The following LRRTM4 variants were observed in gnomAD, a reference collection of about 807,000 sequenced individuals.
The protein encoded by LRRTM4 is leucine-rich repeat transmembrane neuronal protein 4.
A neutral mutation model predicts 47.6 loss-of-function variants in LRRTM4; 25 were observed. That is an observed-to-expected ratio of 0.53 (90% confidence interval 0.38 to 0.73). The LOEUF is 0.73. Among genes scored for constraint, LRRTM4 ranks in the 30% least tolerant of loss-of-function variants. The pLI is 0.00. For missense variants in LRRTM4, 638 were observed against 713.4 expected (o/e 0.89, Z 1.20); for synonymous variants, 311 against 269.5 (o/e 1.15, Z -1.51).
At chr2:76,846,901 G>A (rs1002452313) in intron 3 of LRRTM4, among the ~76,000 whole-genome samples, 1 of 128,916 alleles carries the variant, frequency 7.8e-6, no homozygotes. Context: ...AAGTAAAAAG[G>A]TCATATGATA....
intron 3 of LRRTM4, among the ~76,000 whole-genome samples, chr2:77,208,642 T>C (rs779705188): frequency 9.2e-5 from 14 of 152,070 alleles, no homozygotes; most frequent in Non-Finnish European, 1.3e-4. Flanking sequence ...TGAGGTTTTC[T>C]GAGGATGGAG....
intron 3 of LRRTM4, among the ~76,000 whole-genome samples, chr2:77,269,773 A>G (rs992317866): frequency 1.6e-4 from 24 of 152,204 alleles, no homozygotes; most frequent in African/African-American, 5.5e-4. Flanking sequence ...TATGTTTTAT[A>G]TAAGAATATT....
chr2:77,233,443 A>G (rs1447486627), intron 3 of LRRTM4, among the ~76,000 whole-genome samples: 1 of 152,150 alleles, frequency 6.6e-6, no homozygotes, highest in East Asian at 1.9e-4. Flanking sequence ...TAATTTTTTA[A>G]TAGTGTAAAT....
intron 3 of LRRTM4, among the ~76,000 whole-genome samples, chr2:76,932,786 G>A (rs1225303412): frequency 6.6e-6 from 1 of 150,680 alleles, no homozygotes; most frequent in Admixed American, 6.7e-5. Context: ...CAAAAGAGAG[G>A]AAAATACTTA....
At chr2:76,947,176 C>T (rs976678203) in intron 3 of LRRTM4, among the ~76,000 whole-genome samples, 1 of 151,762 alleles carries the variant, frequency 6.6e-6, no homozygotes, top group Non-Finnish European at 1.5e-5. Context: ...GAGTAATAAG[C>T]TGATAATAAT....
At chr2:77,077,137 C>G (rs1680363648) in intron 3 of LRRTM4, among the ~76,000 whole-genome samples, 1 of 152,084 alleles carries the variant, frequency 6.6e-6, no homozygotes, top group Non-Finnish European at 1.5e-5. Flanking sequence ...ATGCAAAATT[C>G]TATAGAGGTA....
chr2:77,310,999 TATAG>T (rs1367149941), intron 3 of LRRTM4, among the ~76,000 whole-genome samples: 2 of 151,972 alleles, frequency 1.3e-5, no homozygotes, highest in African/African-American at 4.8e-5. Context: ...CACATATATA[TATAG>T]AGAGAGAATA....
At chr2:77,330,748 G>T (rs1324278064) in intron 3 of LRRTM4, among the ~76,000 whole-genome samples, 1 of 151,810 alleles carries the variant, frequency 6.6e-6, no homozygotes, top group Non-Finnish European at 1.5e-5. Flanking sequence ...CATCTTTTTT[G>T]TTGACAAAAG....
At chr2:76,845,302 C>A (rs905994868) in intron 3 of LRRTM4, among the ~76,000 whole-genome samples, 1 of 152,048 alleles carries the variant, frequency 6.6e-6, no homozygotes, top group African/African-American at 2.4e-5. Context: ...ACTAGCCTGG[C>A]CAACATGGTG....
At chr2:76,800,128 A>G (rs962901897) in intron 3 of LRRTM4, among the ~76,000 whole-genome samples, 28 of 149,394 alleles carry the variant, frequency 1.9e-4, no homozygotes, top group Non-Finnish European at 3.3e-4. Flanking sequence ...GAACCAAAAA[A>G]GAGCCCGCAT....
At chr2:76,867,115 C>A (rs1281591604) in intron 3 of LRRTM4, among the ~76,000 whole-genome samples, 2 of 152,026 alleles carry the variant, frequency 1.3e-5, no homozygotes, top group Non-Finnish European at 2.9e-5. Flanking sequence ...ATACCTAATG[C>A]ATGTGGGGGT....
At chr2:77,219,479 C>G (rs968278704) in intron 3 of LRRTM4, among the ~76,000 whole-genome samples, 1 of 152,104 alleles carries the variant, frequency 6.6e-6, no homozygotes, top group East Asian at 1.9e-4. Context: ...AACAGAAACA[C>G]GATTTAACAG....
chr2:76,790,527 CT>C (rs1370244237), intron 3 of LRRTM4, among the ~76,000 whole-genome samples: 1 of 152,108 alleles, frequency 6.6e-6, no homozygotes, highest in Non-Finnish European at 1.5e-5. Context: ...TCAGAAAGTA[CT>C]TTGGGGTTTA....
chr2:77,039,520 G>T (rs967772080), intron 3 of LRRTM4, among the ~76,000 whole-genome samples: 2 of 151,168 alleles, frequency 1.3e-5, no homozygotes, highest in African/African-American at 4.8e-5. Flanking sequence ...CTAGCAGTAA[G>T]AAGCAATTTT....
intron 3 of LRRTM4, among the ~76,000 whole-genome samples, chr2:77,054,111 A>G (rs181423718): frequency 6.6e-6 from 1 of 151,676 alleles, no homozygotes; most frequent in East Asian, 1.9e-4. Context: ...CGTCCAAAAC[A>G]TGGGGAAACC....
chr2:76,761,138 C>G (rs1011379401), intron 3 of LRRTM4, among the ~76,000 whole-genome samples: 1 of 152,152 alleles, frequency 6.6e-6, no homozygotes, highest in Non-Finnish European at 1.5e-5. Context: ...AGATGTAGGC[C>G]CAGCAGGGCG....
intron 3 of LRRTM4, among the ~76,000 whole-genome samples, chr2:76,873,917 T>C (rs1335871444): frequency 1.3e-5 from 2 of 151,966 alleles, no homozygotes; most frequent in Non-Finnish European, 2.9e-5. Context: ...TTTGAATCCC[T>C]TGAAATTTTA....
chr2:77,186,223 A>C lies in LRRTM4; in HGVS notation c.1551+332095T>G, dbSNP rs575036632. ...CTGTGCCCCTGAGATGTCCACATCCAATCTTTCTGCTCTTTGATGCCATTT... is the reference window on the plus strand; with the variant it reads ...CTGTGCCCCTGAGATGTCCACATCCCATCTTTCTGCTCTTTGATGCCATTT... On this transcript the variant is annotated intron_variant, in intron 3 of 3. Coordinates refer to ENST00000409884, the MANE Select transcript of LRRTM4 (RefSeq NM_001134745.3). Among the ~76,000 whole-genome samples the C allele has an allele frequency of 8.6e-4, 131 of 152,310 alleles. 2 individuals are homozygous for C. The highest frequency in any genetic ancestry group is 3.1e-3 in the African/African-American group (128 of 41,576).
chr2:76,837,545 C>T (rs1320342594), intron 3 of LRRTM4, among the ~76,000 whole-genome samples: 2 of 152,056 alleles, frequency 1.3e-5, no homozygotes, highest in Non-Finnish European at 2.9e-5. Context: ...CTATACACTG[C>T]TTTGAATGTG....
Sources: allele counts gnomAD v4.1 joint callset (sites outside exome capture counted in the v4.1 genomes callset), GRCh38; gene constraint gnomAD v4.1.1; transcripts MANE v1.5; gene names NCBI Gene and HGNC (gene_info 2026-07-23, HGNC 2026-07-21).